Variants in GALNTL6 observed in about 807,000 individuals in gnomAD.
GALNTL6 encodes polypeptide N-acetylgalactosaminyltransferase like 6.
A neutral mutation model predicts 73.7 loss-of-function variants in GALNTL6; 46 were observed. That is an observed-to-expected ratio of 0.62 (90% CI 0.49 to 0.80). GALNTL6 has a LOEUF of 0.80. Among genes scored for constraint, GALNTL6 ranks in the 30% least tolerant of loss-of-function variants. The probability of loss-of-function intolerance (pLI) is 0.00; values close to 1 mark genes in which losing one functional copy is unlikely to be tolerated. For missense variants in GALNTL6, 604 were observed against 755.0 expected (o/e 0.80, Z 2.34); for synonymous variants, 259 against 263.7 (o/e 0.98, Z 0.17).
chr4:172,099,065 C>T (rs941285168), intron 2 of GALNTL6, among the ~76,000 whole-genome samples: 1 of 151,954 alleles, frequency 6.6e-6, no homozygotes, highest in Admixed American at 6.6e-5. Context: ...CAAAGGAAGA[C>T]AGTAGAAGGA....
intron 2 of GALNTL6, among the ~76,000 whole-genome samples, chr4:171,866,739 C>T (rs1032539581): frequency 6.6e-6 from 1 of 152,170 alleles, no homozygotes; most frequent in African/African-American, 2.4e-5. Context: ...AGACTGCTGA[C>T]TTCAGTCTGT....
At chr4:172,264,666 G>A (rs1397500140) in intron 3 of GALNTL6, among the ~76,000 whole-genome samples, 2 of 144,636 alleles carry the variant, frequency 1.4e-5, no homozygotes, top group Admixed American at 7.0e-5. Flanking sequence ...GTGTATGTAT[G>A]TATGTGTATA....
intron 2 of GALNTL6, among the ~76,000 whole-genome samples, chr4:171,977,530 G>A (rs1239958114): frequency 6.6e-6 from 1 of 152,068 alleles, no homozygotes; most frequent in Non-Finnish European, 1.5e-5. Flanking sequence ...TTTTCCTTCT[G>A]TATGTGTCTG....
intron 7 of GALNTL6, among the ~76,000 whole-genome samples, chr4:172,867,266 T>A (rs1251641985): frequency 6.6e-6 from 1 of 152,168 alleles, no homozygotes; most frequent in Admixed American, 6.5e-5. Context: ...TATGTTGTAA[T>A]GAGTATGTCT....
rs1160955860 is a variant in GALNTL6, at chr4:172,065,379, C to T, written c.139-164277C>T. On this transcript the variant is annotated intron_variant, in intron 2 of 12. Transcript: ENST00000506823. ...CCACTACTCACCTTCTACTGTGCTG[C>T]GCATTTCCTAACAGGCCACAGGCTG... Among the ~76,000 whole-genome samples, 8 of 152,136 alleles carry T rather than the reference C, an allele frequency of 5.3e-5. No individual in the cohort carries two copies. The South Asian group carries it at 6.2e-4, about 12-fold the overall frequency.
intron 2 of GALNTL6, among the ~76,000 whole-genome samples, chr4:171,913,464 G>A (rs535075162): frequency 5.3e-5 from 8 of 152,224 alleles, no homozygotes; most frequent in Admixed American, 2.0e-4. Flanking sequence ...TTTTACAAAC[G>A]TGTTTTGACA....
intron 5 of GALNTL6, among the ~76,000 whole-genome samples, chr4:172,416,107 G>T (rs770258218): frequency 1.3e-5 from 2 of 152,074 alleles, no homozygotes; most frequent in South Asian, 2.1e-4. Context: ...ATGGGGATAC[G>T]ATTCAATAAA....
intron 2 of GALNTL6, among the ~76,000 whole-genome samples, chr4:172,140,559 T>C (rs1026936351): frequency 2.0e-5 from 3 of 152,050 alleles, no homozygotes; most frequent in African/African-American, 4.8e-5. Context: ...CACAAGAACA[T>C]TGAACTGAAG....
chr4:172,606,658 ATATAC>A (rs1738305510), intron 5 of GALNTL6, among the ~76,000 whole-genome samples: 1 of 38,300 alleles, frequency 2.6e-5, no homozygotes, highest in African/African-American at 5.6e-5. Flanking sequence ...TATAGTATAT[ATATAC>A]TATATATATA....
chr4:172,770,460 G>T (rs1274976089), intron 5 of GALNTL6, among the ~76,000 whole-genome samples: 1 of 152,066 alleles, frequency 6.6e-6, no homozygotes, highest in Admixed American at 6.5e-5. Context: ...TGTTCAGGCT[G>T]CTATATCAGG....
intron 2 of GALNTL6, among the ~76,000 whole-genome samples, chr4:171,822,007 A>G (rs1453172656): frequency 6.6e-6 from 1 of 152,198 alleles, no homozygotes; most frequent in African/African-American, 2.4e-5. Flanking sequence ...AATAAAAAAG[A>G]AAAGAAAAAA....
chr4:172,167,297 A>G (rs904446226), intron 2 of GALNTL6, among the ~76,000 whole-genome samples: 3 of 152,186 alleles, frequency 2.0e-5, no homozygotes, highest in Non-Finnish European at 4.4e-5. Context: ...GTTGTCTTGA[A>G]TGAGGTTTAA....
At chr4:172,005,979 A>G (rs1740829579) in intron 2 of GALNTL6, among the ~76,000 whole-genome samples, 3 of 152,172 alleles carry the variant, frequency 2.0e-5, no homozygotes. Flanking sequence ...ATTTGCTTTC[A>G]CAAGACCTAT....
chr4:171,999,827 T>C (rs35048489), intron 2 of GALNTL6, among the ~76,000 whole-genome samples: 3,154 of 152,276 alleles, frequency 0.021, 93 homozygotes, highest in African/African-American at 0.066. Flanking sequence ...TTTTGTACTT[T>C]GAAGCAAAAA....
At chr4:172,319,556 GTC>G (rs1410123239) in intron 4 of GALNTL6, among the ~76,000 whole-genome samples, 3 of 152,100 alleles carry the variant, frequency 2.0e-5, no homozygotes, top group Admixed American at 2.0e-4. Flanking sequence ...AAGAAAAACT[GTC>G]TCTATAAATT....
chr4:172,059,882 G>A (rs1235406289), intron 2 of GALNTL6, among the ~76,000 whole-genome samples: 1 of 152,072 alleles, frequency 6.6e-6, no homozygotes, highest in Non-Finnish European at 1.5e-5. Flanking sequence ...AAATCAAAGT[G>A]AGAGCCAGTT....
chr4:172,732,457 T>A (rs1736208802), intron 5 of GALNTL6, among the ~76,000 whole-genome samples: 1 of 152,210 alleles, frequency 6.6e-6, no homozygotes, highest in African/African-American at 2.4e-5. Flanking sequence ...CAGAATATAA[T>A]TGAGTCATTT....
intron 2 of GALNTL6, among the ~76,000 whole-genome samples, chr4:171,942,508 G>A (rs1476301759): frequency 1.3e-5 from 2 of 152,046 alleles, no homozygotes; most frequent in African/African-American, 4.8e-5. Flanking sequence ...AAAATATGTA[G>A]GCTAGATTTC....
intron 2 of GALNTL6, among the ~76,000 whole-genome samples, chr4:172,201,493 C>T (rs555908599): frequency 1.3e-5 from 2 of 151,374 alleles, no homozygotes; most frequent in South Asian, 2.1e-4. Context: ...GCATGAGCCA[C>T]GGCACCGGGA....
Sources: gnomAD v4.1 joint callset for allele counts (sites outside exome capture counted in the v4.1 genomes callset) on GRCh38, gnomAD v4.1.1 for gene constraint, MANE v1.5 for transcripts, NCBI Gene and HGNC (gene_info 2026-07-23, HGNC 2026-07-21) for gene names.